The following KAT2B variants were observed in gnomAD, a reference collection of about 807,000 sequenced individuals.
KAT2B encodes histone acetyltransferase KAT2B.
In KAT2B, 36 loss-of-function variants were observed where a neutral mutation model predicts 105.9. The observed-to-expected ratio is 0.34, with a 90% CI of 0.26 to 0.45. KAT2B has a LOEUF of 0.45. Among genes scored for constraint, KAT2B ranks in the 20% least tolerant of loss-of-function variants. The pLI is 1.00. For synonymous variants in KAT2B, 397 were observed against 377.9 expected (o/e 1.05, Z -0.59); for missense variants, 820 against 1,021.6 (o/e 0.80, Z 2.69).
At chr3:20,079,277 T>C (rs1698477779) in intron 2 of KAT2B, among the ~76,000 whole-genome samples, 1 of 142,652 alleles carries the variant, frequency 7.0e-6, no homozygotes, top group South Asian at 2.4e-4. Flanking sequence ...CAATCTCGGC[T>C]CACTGCAACT....
At chr3:20,129,116 A>G (rs1325066465) in intron 11 of KAT2B, among the ~76,000 whole-genome samples, 1 of 151,808 alleles carries the variant, frequency 6.6e-6, no homozygotes, top group East Asian at 1.9e-4. Flanking sequence ...AAATTATTGG[A>G]AGGTCTAAAG....
chr3:20,095,554 A>G (rs1698794163), intron 3 of KAT2B, 146 bp downstream of exon 3: 1 of 571,756 alleles, frequency 1.7e-6, no homozygotes, highest in Non-Finnish European at 3.1e-6. Context: ...TTCATGACTG[A>G]TTCTCTAAAA....
chr3:20,050,649 T>C (rs758186530), intron 1 of KAT2B, among the ~76,000 whole-genome samples: 6 of 152,224 alleles, frequency 3.9e-5, no homozygotes, highest in Non-Finnish European at 8.8e-5. Context: ...AATTAAAACA[T>C]TGCCAGCAAT....
chr3:20,059,184 G>T (rs1698053142), intron 1 of KAT2B, among the ~76,000 whole-genome samples: 1 of 151,780 alleles, frequency 6.6e-6, no homozygotes, highest in South Asian at 2.1e-4. Context: ...AGGCTGAGGT[G>T]GGCAGATCAC....
chr3:20,118,421 AAG>A (rs1274287821), intron 7 of KAT2B, among the ~76,000 whole-genome samples: 1 of 149,008 alleles, frequency 6.7e-6, no homozygotes, highest in Non-Finnish European at 1.5e-5. Flanking sequence ...AAAAAAGAGA[AAG>A]AGAGCTATAT....
chr3:20,089,266 A>T (rs575186402), intron 2 of KAT2B, among the ~76,000 whole-genome samples: 1 of 152,144 alleles, frequency 6.6e-6, no homozygotes, highest in Non-Finnish European at 1.5e-5. Flanking sequence ...TCTGTGAAAA[A>T]TGTCATTGGA....
At chr3:20,069,668 G>A (rs913599360) in intron 1 of KAT2B, among the ~76,000 whole-genome samples, 13 of 151,876 alleles carry the variant, frequency 8.6e-5, no homozygotes, top group Non-Finnish European at 1.5e-4. Context: ...TGGGATTACA[G>A]GTGGCTGCCA....
chr3:20,143,230 A>G (rs1388115190), intron 13 of KAT2B, among the ~76,000 whole-genome samples: 1 of 152,198 alleles, frequency 6.6e-6, no homozygotes, highest in East Asian at 1.9e-4. Flanking sequence ...TTTTATCGTC[A>G]TGGTAGGGAG....
intron 3 of KAT2B, among the ~76,000 whole-genome samples, chr3:20,099,375 CT>C (rs1698868159): frequency 6.6e-6 from 1 of 152,314 alleles, no homozygotes; most frequent in South Asian, 2.1e-4. Flanking sequence ...CTCCTGTCCC[CT>C]GGCCTCTTTT....
At chr3:20,044,439 T>A (rs936435598) in intron 1 of KAT2B, among the ~76,000 whole-genome samples, 2 of 151,638 alleles carry the variant, frequency 1.3e-5, no homozygotes, top group Non-Finnish European at 2.9e-5. Context: ...AATAAATAAA[T>A]AAAATAAAGT....
chr3:20,106,438 T>TACACACACAC (rs10554524), intron 5 of KAT2B, among the ~76,000 whole-genome samples: 240 of 145,710 alleles, frequency 1.6e-3, no homozygotes, highest in African/African-American at 4.8e-3. Context: ...ACACCAGAAG[T>TACACACACAC]ACACACACAC....
chr3:20,054,984 T>G (rs753100543), intron 1 of KAT2B, among the ~76,000 whole-genome samples: 4 of 151,978 alleles, frequency 2.6e-5, no homozygotes, highest in African/African-American at 7.3e-5. Flanking sequence ...AAAGAAAAAT[T>G]AAAATGAATA....
intron 5 of KAT2B, among the ~76,000 whole-genome samples, chr3:20,103,287 T>C (rs1029674887): frequency 6.6e-6 from 1 of 152,188 alleles, no homozygotes; most frequent in African/African-American, 2.4e-5. Context: ...AGCTGAATAT[T>C]TGTCAAAGCC....
In KAT2B at chr3:20,095,372, TG is replaced by T; in HGVS notation, c.541del (p.Ala181GlnfsTer14). Reference protein sequence around the residue: ...LFTCVHKEEDADTKQVYFYLF... With the variant: ...LFTCVHKEEDXDTKQVYFYLF... Reference sequence around the variant, plus strand: ...TTACCTGTGTCCACAAGGAAGAAGATGCAGATACCAAACAAGTTTATTTCTA... The same window carrying T: ...TTACCTGTGTCCACAAGGAAGAAGATCAGATACCAAACAAGTTTATTTCTA... On this transcript the variant is annotated frameshift_variant, in exon 3 of 18. Transcript: ENST00000263754. LOFTEE classifies it high-confidence loss of function. The T allele has an allele frequency of 6.3e-7, 1 of 1,597,222 alleles. No individual in the cohort carries two copies. Among genetic ancestry groups the T allele is most frequent in the Non-Finnish European group, 8.6e-7 (1 of 1,165,074 alleles).
At chr3:20,111,941 T>G (rs192169588) in intron 6 of KAT2B, among the ~76,000 whole-genome samples, 154 bp downstream of exon 6, 325 of 152,272 alleles carry the variant, frequency 2.1e-3, no homozygotes, top group African/African-American at 7.4e-3. Flanking sequence ...TTGTGAATCT[T>G]CTTGGGTATT....
rs774544316 is a variant in KAT2B at position 20,119,590 on chromosome 3, C to T, written c.1151-8C>T. Reference sequence around the variant, plus strand: ...ATCTAACACCTTCTTCTCCTTTTGCCGGGGCAGTTATCAATCCACCTCCTG... The same window carrying T: ...ATCTAACACCTTCTTCTCCTTTTGCTGGGGCAGTTATCAATCCACCTCCTG... On this transcript the variant is annotated splice_region_variant and splice_polypyrimidine_tract_variant and intron_variant, in intron 7 of 17. Coordinates refer to ENST00000263754, the MANE Select transcript of KAT2B (RefSeq NM_003884.5). 5.3e-5 allele frequency: 85 copies of T among 1,613,586 alleles called. No individual in the cohort carries two copies. In the Admixed American group the frequency reaches 8.7e-4, roughly 16 times the overall value.
At chr3:20,066,938 A>C (rs950757627) in intron 1 of KAT2B, among the ~76,000 whole-genome samples, 3 of 152,038 alleles carry the variant, frequency 2.0e-5, no homozygotes, top group Non-Finnish European at 4.4e-5. Context: ...AACACATCTC[A>C]ATTTTTATTG....
chr3:20,053,324 T>G (rs995372924), intron 1 of KAT2B, among the ~76,000 whole-genome samples: 3 of 152,140 alleles, frequency 2.0e-5, no homozygotes, highest in Admixed American at 1.3e-4. Flanking sequence ...TTGCTTGAGC[T>G]CAAGGGTTTG....
At chr3:20,050,192 C>T (rs1306883290) in intron 1 of KAT2B, among the ~76,000 whole-genome samples, 1 of 144,024 alleles carries the variant, frequency 6.9e-6, no homozygotes, top group Non-Finnish European at 1.5e-5. Flanking sequence ...GGAGTGAGAC[C>T]CTGTCTCAAA....
Sources: allele counts gnomAD v4.1 joint callset (sites outside exome capture counted in the v4.1 genomes callset), GRCh38; gene constraint gnomAD v4.1.1; transcripts MANE v1.5; gene names NCBI Gene and HGNC (gene_info 2026-07-23, HGNC 2026-07-21).